Variants in GPATCH2 observed in about 807,000 individuals in gnomAD.
GPATCH2 encodes G patch domain-containing protein 2.
A neutral mutation model predicts 58.0 loss-of-function variants in GPATCH2; 51 were observed. The ratio of observed to expected loss-of-function variants is 0.88; its 90% CI spans 0.70 to 1.11. The LOEUF (loss-of-function observed/expected upper bound fraction) is 1.11. Ranked by LOEUF, GPATCH2 falls within the 50% of genes most tolerant of loss-of-function variation. The pLI, the probability that GPATCH2 is intolerant of heterozygous loss-of-function variation, is 0.00. For synonymous variants in GPATCH2, 222 were observed against 218.5 expected (o/e 1.02, Z -0.14); for missense variants, 625 against 652.2 (o/e 0.96, Z 0.45).
chr1:217,607,335 C>T (rs1668408363), intron 5 of GPATCH2, among the ~76,000 whole-genome samples: 1 of 152,032 alleles, frequency 6.6e-6, no homozygotes, highest in Non-Finnish European at 1.5e-5. Flanking sequence ...AAACATATGT[C>T]CCTTTTGTAG....
chr1:217,571,256 T>A (rs1176728282), intron 5 of GPATCH2, among the ~76,000 whole-genome samples: 1 of 152,192 alleles, frequency 6.6e-6, no homozygotes, highest in African/African-American at 2.4e-5. Context: ...TCTCTTTCTC[T>A]AACTGTTCTA....
intron 8 of GPATCH2, among the ~76,000 whole-genome samples, chr1:217,456,001 A>C (rs1659925281): frequency 6.6e-6 from 1 of 151,880 alleles, no homozygotes; most frequent in African/African-American, 2.4e-5. Context: ...CCAGGGGAAG[A>C]CCATCTTCCC....
chr1:217,611,650 A>C (rs528254930), intron 3 of GPATCH2, among the ~76,000 whole-genome samples: 87 of 152,328 alleles, frequency 5.7e-4, no homozygotes, highest in Non-Finnish European at 8.7e-4. Context: ...TAATTAGCTT[A>C]ATTTCATGAT....
intron 3 of GPATCH2, among the ~76,000 whole-genome samples, 189 bp downstream of exon 3, chr1:217,613,952 T>A (rs1475093879): frequency 6.6e-6 from 1 of 152,138 alleles, no homozygotes; most frequent in Non-Finnish European, 1.5e-5. Flanking sequence ...AATCAATTAC[T>A]TAGGTCATGA....
chr1:217,584,330 T>TAAA (rs1168175978), intron 5 of GPATCH2, among the ~76,000 whole-genome samples: 4 of 89,778 alleles, frequency 4.5e-5, no homozygotes, highest in African/African-American at 8.2e-5. Context: ...TCACCTCTAC[T>TAAA]AAAAAAAAAA....
At chr1:217,585,044 A>G (rs1436234352) in intron 5 of GPATCH2, among the ~76,000 whole-genome samples, 1 of 152,138 alleles carries the variant, frequency 6.6e-6, no homozygotes, top group Non-Finnish European at 1.5e-5. Flanking sequence ...CTTATATAAT[A>G]TTAAAAGCAT....
At chr1:217,530,125 A>G (rs1664116352) in intron 5 of GPATCH2, among the ~76,000 whole-genome samples, 1 of 152,252 alleles carries the variant, frequency 6.6e-6, no homozygotes, top group Admixed American at 6.5e-5. Context: ...CAATGCAGTG[A>G]TCACAATGAA....
chr1:217,437,459 G>A (rs758763633), intron 9 of GPATCH2, among the ~76,000 whole-genome samples: 6 of 152,152 alleles, frequency 3.9e-5, no homozygotes, highest in Non-Finnish European at 8.8e-5. Context: ...CCCCCATGAA[G>A]CCCAACAAGC....
rs139232515 is a variant in GPATCH2 at position 217,548,874 on chromosome 1, C to T, written c.1099-33985G>A. The stretch of plus-strand genomic sequence containing the variant: ...CTGAGGCCTCCCCAGCAATGTGGAA[C>T]TGTGAGTCAATAAAACCTCTTTTCT... On this transcript the variant is annotated intron_variant, in intron 5 of 9. Transcript: ENST00000366935. Among the ~76,000 whole-genome samples, 6 of 152,296 alleles carry T rather than the reference C, an allele frequency of 3.9e-5. No individual in the cohort carries two copies. The East Asian group carries it at 1.2e-3, about 29-fold the overall frequency.
intron 5 of GPATCH2, among the ~76,000 whole-genome samples, chr1:217,522,005 A>G (rs147102646): frequency 2.4e-3 from 365 of 152,308 alleles, no homozygotes; most frequent in African/African-American, 8.4e-3. Context: ...AGCAGCAAAT[A>G]TATTTCTCTA....
chr1:217,488,166 G>A lies in GPATCH2; in HGVS notation c.1277+3514C>T, dbSNP rs191641499. ...TTGTTGATACTAGCTTTATGGCCTGGTAAGTGATTAATTTTGTAAGTGTTG... is the reference window on the plus strand; with the variant it reads ...TTGTTGATACTAGCTTTATGGCCTGATAAGTGATTAATTTTGTAAGTGTTG... On this transcript the variant is annotated intron_variant, in intron 8 of 9. Transcript: ENST00000366935. Among the ~76,000 whole-genome samples, 13 of 152,284 alleles carry A rather than the reference G, an allele frequency of 8.5e-5. No individual in the cohort carries two copies. In the East Asian group the frequency reaches 2.5e-3, roughly 29 times the overall value.
chr1:217,560,278 C>T (rs1368419927), intron 5 of GPATCH2, among the ~76,000 whole-genome samples: 1 of 152,192 alleles, frequency 6.6e-6, no homozygotes, highest in Non-Finnish European at 1.5e-5. Context: ...CTTGTCCTTC[C>T]TCGCTATACC....
chr1:217,463,641 C>CAAAAAAAAAAAAAAAAAAAAAAAAAAAA (rs201402598), intron 8 of GPATCH2, among the ~76,000 whole-genome samples: 1 of 82,454 alleles, frequency 1.2e-5, no homozygotes, highest in Non-Finnish European at 2.2e-5. Flanking sequence ...CTTATCACTC[C>CAAAAAAAAAAAAAAAAAAAAAAAAAAAA]AAAAAAAAAA....
At chr1:217,474,797 T>C (rs1334730338) in intron 8 of GPATCH2, among the ~76,000 whole-genome samples, 1 of 152,192 alleles carries the variant, frequency 6.6e-6, no homozygotes, top group Admixed American at 6.5e-5. Context: ...TGCATTATAG[T>C]TCTCTTCTCT....
intron 1 of GPATCH2, among the ~76,000 whole-genome samples, chr1:217,623,672 C>A (rs189631639): frequency 1.4e-3 from 220 of 152,086 alleles, no homozygotes; most frequent in African/African-American, 5.1e-3. Context: ...GAGGCTAAGG[C>A]GGGCAGATCA....
At chr1:217,627,555 C>G (rs1209358380) in intron 1 of GPATCH2, among the ~76,000 whole-genome samples, 2 of 151,974 alleles carry the variant, frequency 1.3e-5, no homozygotes, top group Non-Finnish European at 2.9e-5. Context: ...AATCCTTCCC[C>G]GTTAAAACTG....
chr1:217,622,017 TC>T (rs1248419404), intron 1 of GPATCH2, among the ~76,000 whole-genome samples: 1 of 152,198 alleles, frequency 6.6e-6, no homozygotes, highest in East Asian at 1.9e-4. Context: ...GGATTCAAAC[TC>T]CAGCAATCAG....
In GPATCH2 at chr1:217,620,592, A is replaced by G. The variant is rs1476068575; in HGVS notation, c.57-93T>C. 4 of 724,414 alleles carry G rather than the reference A, an allele frequency of 5.5e-6. No individual in the cohort carries two copies. In the Admixed American group the frequency reaches 9.9e-5, roughly 18 times the overall value. 44.9% of individuals were successfully genotyped at this position (724,414 alleles called of 1,614,324 possible). A position where few individuals can be genotyped will look rare whatever the true frequency, so the allele number is the denominator to read the frequency against. On this transcript the variant is annotated intron_variant, in intron 1 of 9. Transcript: ENST00000366935. ...CAGACAATTCATTCTAAATTCGACA[A>G]AAATTAATGATTACAAAATGTTTCA...
chr1:217,446,357 T>A (rs950117404), intron 9 of GPATCH2, among the ~76,000 whole-genome samples: 4 of 152,160 alleles, frequency 2.6e-5, no homozygotes, highest in Non-Finnish European at 5.9e-5. Flanking sequence ...TGACTGACTC[T>A]TTTTCAGAAT....
Sources: allele counts gnomAD v4.1 joint callset (sites outside exome capture counted in the v4.1 genomes callset), GRCh38; gene constraint gnomAD v4.1.1; transcripts MANE v1.5; gene names NCBI Gene and HGNC (gene_info 2026-07-23, HGNC 2026-07-21).